The following EFNB2 variants were observed in gnomAD, a reference collection of about 807,000 sequenced individuals.
EFNB2 encodes ephrin B2.
Under a neutral mutation model 32.1 loss-of-function variants are expected in EFNB2, and 5 were observed. The observed-to-expected ratio is 0.16, with a 90% CI of 0.08 to 0.33. The LOEUF (loss-of-function observed/expected upper bound fraction) is 0.33, where lower values mean the gene tolerates loss of function less well. Ranked by LOEUF, EFNB2 falls within the 10% of genes least tolerant of loss-of-function variation. The probability of loss-of-function intolerance (pLI) is 1.00; values close to 1 mark genes in which losing one functional copy is unlikely to be tolerated. For missense variants in EFNB2, 263 were observed against 422.6 expected (o/e 0.62, Z 3.31); for synonymous variants, 168 against 166.5 (o/e 1.01, Z -0.07).
At chr13:106,528,931 A>C (rs544571651) in intron 1 of EFNB2, among the ~76,000 whole-genome samples, 1 of 152,312 alleles carries the variant, frequency 6.6e-6, no homozygotes, top group Non-Finnish European at 1.5e-5. Flanking sequence ...CATTCAACTC[A>C]AAGTTTAAGA....
At chr13:106,533,935 C>T (rs557825063) in intron 1 of EFNB2, among the ~76,000 whole-genome samples, 1 of 152,304 alleles carries the variant, frequency 6.6e-6, no homozygotes, top group East Asian at 1.9e-4. Context: ...TCTGAATGCA[C>T]TCTGGTGGCC....
intron 1 of EFNB2, among the ~76,000 whole-genome samples, chr13:106,514,359 C>T (rs1267136465): frequency 6.6e-6 from 1 of 152,134 alleles, no homozygotes; most frequent in Non-Finnish European, 1.5e-5. Flanking sequence ...TGTGGTATCC[C>T]CTCAACCTTG....
chr13:106,494,323 C>T (rs1056583801), intron 4 of EFNB2, among the ~76,000 whole-genome samples: 3 of 152,120 alleles, frequency 2.0e-5, no homozygotes, highest in East Asian at 1.9e-4. Flanking sequence ...GTTAAGAAAA[C>T]GAAGGTCAAC....
intron 2 of EFNB2, among the ~76,000 whole-genome samples, chr13:106,502,229 T>C (rs1471944107): frequency 6.6e-6 from 1 of 152,234 alleles, no homozygotes; most frequent in Non-Finnish European, 1.5e-5. Context: ...ATTAGTTTTC[T>C]GCACTAAACA....
chr13:106,489,866 T>C lies in EFNB2; in HGVS notation c.*3174A>G, dbSNP rs552287940. Reference sequence around the variant, plus strand: ...AACTGCAATGTGAAACTAAAGCAGATTTAAAACCTATGACAGGCTATTAAA... The same window carrying C: ...AACTGCAATGTGAAACTAAAGCAGACTTAAAACCTATGACAGGCTATTAAA... On this transcript the variant is annotated 3_prime_UTR_variant, in exon 5 of 5. Coordinates refer to ENST00000646441, the MANE Select transcript of EFNB2 (RefSeq NM_004093.4). 10 of 152,634 alleles carry C rather than the reference T, an allele frequency of 6.6e-5. No homozygotes were observed. The highest frequency in any genetic ancestry group is 1.5e-4 in the Non-Finnish European group (10 of 67,994). 9.5% of individuals were successfully genotyped at this position (152,634 alleles called of 1,614,324 possible). A position where few individuals can be genotyped will look rare whatever the true frequency, so the allele number is the denominator to read the frequency against.
In EFNB2 at chr13:106,532,272, T is replaced by C. The variant is rs564159909; in HGVS notation, c.122+2571A>G. ...CGGAGACGCTGAATTTACAAAGGGT[T>C]TTCTGGACCCTGTATCCAAACAGCT... On this transcript the variant is annotated intron_variant, in intron 1 of 4. Coordinates refer to ENST00000646441, the MANE Select transcript of EFNB2 (RefSeq NM_004093.4). 5.3e-5 allele frequency among the ~76,000 whole-genome samples: 8 copies of C among 152,230 alleles called. No individual in the cohort carries two copies. The South Asian group carries it at 1.2e-3, about 24-fold the overall frequency.
At position 106,512,637 on chromosome 13, in the gene EFNB2, T is replaced by G; in HGVS notation, c.298A>C (p.Asn100His). 1.2e-6 allele frequency: 2 copies of G among 1,613,960 alleles called. No individual in the cohort carries two copies. The highest frequency in any genetic ancestry group is 1.7e-4 in the Middle Eastern group (1 of 6,060). ...TIKKENTPLL[N>H]CAKPDQDIKF... ...ATATCTTGGTCTGGTTTGGCACAGT[T>G]GAGGAGAGGGGTATTTTCCTTCTTA... The change falls in exon 2 of 5, where the codon AAC becomes CAC. Residue 100 changes from asparagine to histidine, a missense_variant. Asn to His is a moderately conservative substitution (Grantham distance 68). Around this residue, in one of 3 missense-constraint regions of EFNB2, gnomAD observed 45 missense variants for 128.6 expected, o/e 0.35. Coordinates refer to ENST00000646441, the MANE Select transcript of EFNB2 (RefSeq NM_004093.4).
At position 106,491,473 on chromosome 13, in the gene EFNB2, AT is replaced by A. The variant is rs748147987; in HGVS notation, c.*1566del. ...GGTGTGTACTGTGTGCAACCTTAAAATATATATTAGTAAAAATCTTTCATTT... is the reference window on the plus strand; with the variant it reads ...GGTGTGTACTGTGTGCAACCTTAAAAATATATTAGTAAAAATCTTTCATTT... On this transcript the variant is annotated 3_prime_UTR_variant, in exon 5 of 5. Transcript: ENST00000646441. 2 of 152,598 alleles carry A rather than the reference AT, an allele frequency of 1.3e-5. No individual in the cohort carries two copies. The highest frequency in any genetic ancestry group is 2.9e-5 in the Non-Finnish European group (2 of 68,034). 9.5% of individuals were successfully genotyped at this position (152,598 alleles called of 1,614,324 possible).
At chr13:106,500,920 C>T (rs78288938) in intron 2 of EFNB2, among the ~76,000 whole-genome samples, 4,246 of 152,220 alleles carry the variant, frequency 0.028, 96 homozygotes, top group East Asian at 0.13. Flanking sequence ...AACACAACAA[C>T]AAACCAAACT....
intron 1 of EFNB2, among the ~76,000 whole-genome samples, chr13:106,522,683 A>G (rs1042562183): frequency 5.3e-4 from 75 of 140,762 alleles, no homozygotes; most frequent in African/African-American, 1.8e-3. Flanking sequence ...TCCTACCATC[A>G]TATTTTTTTT....
intron 2 of EFNB2, among the ~76,000 whole-genome samples, chr13:106,497,982 A>T (rs987634367): frequency 6.6e-6 from 1 of 152,216 alleles, no homozygotes; most frequent in Non-Finnish European, 1.5e-5. Context: ...CTGATAGTTT[A>T]AAATGTTTGG....
In EFNB2 at chr13:106,493,280, C is replaced by T. The variant is rs1659596008; in HGVS notation, c.762G>A (p.Arg254=). ...GCTGCGGCGAGTGCTTCCTGTGTCTCCTCCGGTACTTCAGCAAGAGGACCA... is the reference window on the plus strand; with the variant it reads ...GCTGCGGCGAGTGCTTCCTGTGTCTTCTCCGGTACTTCAGCAAGAGGACCA... ...TLVVLLLKYR[R]RHRKHSPQHT... Residue 254 remains arginine, a synonymous_variant, in exon 5 of 5, where the codon AGG becomes AGA. Coordinates refer to ENST00000646441, the MANE Select transcript of EFNB2 (RefSeq NM_004093.4). The surrounding 1 kb of genome is among the most constrained non-coding windows in gnomAD (Gnocchi z 6.1). 6.2e-7 allele frequency: 1 copy of T among 1,614,168 alleles called. No individual in the cohort carries two copies. Among genetic ancestry groups the T allele is most frequent in the Non-Finnish European group, 8.5e-7 (1 of 1,180,042 alleles).
intron 1 of EFNB2, 26 bp downstream of exon 1, chr13:106,534,817 A>G (rs369597479): frequency 4.4e-5 from 70 of 1,603,526 alleles, no homozygotes; most frequent in Non-Finnish European, 1.4e-5. Context: ...GGGCGGGGAC[A>G]TAGGGGGATC....
In EFNB2 at chr13:106,490,993, A is replaced by G; in HGVS notation, c.*2047T>C. ...AGCAAAGTGTTACCATAGTAACAGG[A>G]CTATGTTAAAGATGTCTATTTTGCA... On this transcript the variant is annotated 3_prime_UTR_variant, in exon 5 of 5. Coordinates refer to ENST00000646441, the MANE Select transcript of EFNB2 (RefSeq NM_004093.4). 1 of 152,606 alleles carries G rather than the reference A, an allele frequency of 6.6e-6. No homozygotes were observed. The allele number at this position is 152,606 out of a possible 1,614,324, so 9.5% of individuals were successfully genotyped here.
chr13:106,500,032 T>C (rs746837025), intron 2 of EFNB2, among the ~76,000 whole-genome samples: 5 of 152,148 alleles, frequency 3.3e-5, no homozygotes, highest in Non-Finnish European at 7.3e-5. Context: ...TTATCTGCAG[T>C]TCTTAGTCAC....
chr13:106,502,734 G>A (rs917972611), intron 2 of EFNB2, among the ~76,000 whole-genome samples: 9 of 152,196 alleles, frequency 5.9e-5, no homozygotes, highest in African/African-American at 1.7e-4. Context: ...ATTAAAAACC[G>A]TATGAATGTC....
intron 1 of EFNB2, among the ~76,000 whole-genome samples, chr13:106,523,960 T>C (rs1316004499): frequency 1.3e-5 from 2 of 152,136 alleles, no homozygotes; most frequent in East Asian, 3.9e-4. Flanking sequence ...CCTCCTTTTC[T>C]CCCAACAAGG....
At chr13:106,507,462 A>G (rs750803154) in intron 2 of EFNB2, among the ~76,000 whole-genome samples, 3 of 152,200 alleles carry the variant, frequency 2.0e-5, no homozygotes, top group Admixed American at 6.5e-5. Context: ...AACATAAGCA[A>G]CAGACTCTGA....
chr13:106,502,585 G>A (rs1193424957), intron 2 of EFNB2, among the ~76,000 whole-genome samples: 1 of 152,162 alleles, frequency 6.6e-6, no homozygotes, highest in African/African-American at 2.4e-5. Flanking sequence ...GAGTTTACAG[G>A]TGCCATCATG....
Sources: allele counts gnomAD v4.1 joint callset (sites outside exome capture counted in the v4.1 genomes callset), GRCh38; gene constraint gnomAD v4.1.1; regional missense constraint gnomAD v4.1.1; non-coding constraint Gnocchi (gnomAD v3.1); transcripts MANE v1.5; gene names NCBI Gene and HGNC (gene_info 2026-07-23, HGNC 2026-07-21).